PCDHA3: variants seen among roughly 807,000 people sequenced by gnomAD.
The protein encoded by PCDHA3 is protocadherin alpha-3.
In PCDHA3, 41 loss-of-function variants were observed where a neutral mutation model predicts 62.2. The ratio of observed to expected loss-of-function variants is 0.66; its 90% CI spans 0.51 to 0.86. PCDHA3 has a LOEUF of 0.86. PCDHA3 is among the 40% of genes least tolerant of loss of function. PCDHA3 has a pLI of 0.00. For missense variants in PCDHA3, 1,304 were observed against 1,241.2 expected, an observed-to-expected ratio of 1.05 and a Z score of -0.76; for synonymous variants, 640 against 555.4, an observed-to-expected ratio of 1.15 and a Z score of -2.14.
At chr5:140,987,239 G>T (rs1005484275) in intron 3 of PCDHA3, among the ~76,000 whole-genome samples, 6 of 151,586 alleles carry the variant, frequency 4.0e-5, no homozygotes, top group East Asian at 1.9e-4. Flanking sequence ...AATAAATAAA[G>T]AAAGAAAGAC....
chr5:140,816,229 A>G (rs1765869006), intron 1 of PCDHA3: 1 of 152,116 alleles, frequency 6.6e-6, no homozygotes, highest in Non-Finnish European at 1.5e-5. Flanking sequence ...TGTCTGGATA[A>G]TTTCAAATGA....
chr5:140,927,322 A>T (rs782465180), intron 1 of PCDHA3: 1 of 1,613,780 alleles, frequency 6.2e-7, no homozygotes, highest in Non-Finnish European at 8.5e-7. Flanking sequence ...AGCCCGCTTT[A>T]CTCTCCCGAA....
chr5:140,849,959 C>G lies in PCDHA3; in HGVS notation c.2394+46368C>G, dbSNP rs2150460444. On this transcript the variant is annotated intron_variant, in intron 1 of 3. Transcript: ENST00000522353. ...GGGACGCTGACGCGCAGGAGAACGC[C>G]CTGGTGTCCTACTCGCTGGTGGAGC... 52 of 1,597,872 alleles carry G rather than the reference C, an allele frequency of 3.3e-5. 2 individuals are homozygous for G. Among genetic ancestry groups the G allele is most frequent in the African/African-American group, 2.7e-4 (20 of 74,536 alleles).
chr5:140,870,833 A>G (rs782800341), intron 1 of PCDHA3: 3 of 1,613,654 alleles, frequency 1.9e-6, no homozygotes, highest in Admixed American at 3.3e-5. Context: ...GGCGCAGTTA[A>G]CAAGCTAGTA....
chr5:140,884,837 C>A, intron 1 of PCDHA3: 4 of 902,438 alleles, frequency 4.4e-6, no homozygotes, highest in Non-Finnish European at 6.3e-6. Flanking sequence ...GATTATCCTT[C>A]AGAGTGAAAT....
chr5:140,922,326 G>A (rs2080778185), intron 1 of PCDHA3, among the ~76,000 whole-genome samples: 1 of 152,212 alleles, frequency 6.6e-6, no homozygotes, highest in Admixed American at 6.5e-5. Context: ...ATCTTGGAAA[G>A]GGTTGGTATA....
At chr5:140,895,671 T>C (rs1014778982) in intron 1 of PCDHA3, among the ~76,000 whole-genome samples, 5 of 152,184 alleles carry the variant, frequency 3.3e-5, no homozygotes, top group African/African-American at 4.8e-5. Context: ...GAACATGTAG[T>C]ATTTGGTTTT....
rs144585858 is a variant in PCDHA3 at position 140,984,129 on chromosome 5, G to A, written c.2542+1566G>A. On this transcript the variant is annotated intron_variant, in intron 3 of 3. Transcript: ENST00000522353. The stretch of plus-strand genomic sequence containing the variant: ...GGTTTTAGACTGCCAAGTGTTGCAG[G>A]ATGTGGAGGCATCTGGGAAGGTGAG... 1.3e-3 allele frequency among the ~76,000 whole-genome samples: 205 copies of A among 152,236 alleles called. 1 individual carries two copies. Among genetic ancestry groups the A allele is most frequent in the Non-Finnish European group, 2.6e-3 (175 of 68,046 alleles).
chr5:140,809,212 G>A, intron 1 of PCDHA3: 1 of 1,614,038 alleles, frequency 6.2e-7, no homozygotes, highest in South Asian at 1.1e-5. Flanking sequence ...GTGGACAGGC[G>A]CCAAAGGCCT....
In PCDHA3 at chr5:140,801,976, T is replaced by C. The variant is rs148995634; in HGVS notation, c.779T>C (p.Leu260Pro). ...RLLENAPNGT[L>P]VVTVNATDLD... is the part of the protein sequence containing the mutation. The stretch of plus-strand genomic sequence containing the variant: ...CTCGAAAATGCACCAAATGGTACCC[T>C]AGTGGTGACCGTTAACGCCACCGAT... The change falls in exon 1 of 4, where the codon CTA becomes CCA. Residue 260 changes from leucine (L) to proline (P), a missense_variant. By Grantham distance (98) the Leu-to-Pro change is moderately conservative. Coordinates refer to ENST00000522353, the MANE Select transcript of PCDHA3 (RefSeq NM_018906.3). 14 of 1,614,064 alleles carry C rather than the reference T, an allele frequency of 8.7e-6. No homozygotes were observed. In the African/African-American group the frequency reaches 1.9e-4, roughly 22 times the overall value.
chr5:140,883,685 C>T (rs782100865), intron 1 of PCDHA3: 50 of 1,613,734 alleles, frequency 3.1e-5, no homozygotes, highest in Non-Finnish European at 3.7e-5. Context: ...GCCGGGCTGC[C>T]ACATCTTCAC....
At chr5:140,927,612 C>T (rs781873236) in intron 1 of PCDHA3, 12 of 1,614,172 alleles carry the variant, frequency 7.4e-6, no homozygotes, top group Non-Finnish European at 8.5e-6. Context: ...TATACCGCAC[C>T]AAGGTTCCAG....
intron 3 of PCDHA3, among the ~76,000 whole-genome samples, chr5:140,992,981 A>T (rs532135754): frequency 5.3e-5 from 8 of 152,232 alleles, no homozygotes; most frequent in Admixed American, 1.3e-4. Flanking sequence ...TGATTAGGCC[A>T]TGGGACCCAT....
chr5:140,916,268 T>C (rs1190209711), intron 1 of PCDHA3, among the ~76,000 whole-genome samples: 3 of 152,206 alleles, frequency 2.0e-5, no homozygotes, highest in Non-Finnish European at 4.4e-5. Flanking sequence ...AAGAGCATGC[T>C]TGTTGCTCTA....
intron 1 of PCDHA3, chr5:140,810,664 T>G (rs1029806382): frequency 1.1e-4 from 14 of 125,974 alleles, no homozygotes; most frequent in Non-Finnish European, 2.1e-4. Context: ...CTGTTGTTTT[T>G]CTTTTCTTTT....
chr5:140,855,626 T>C (rs1554147868), intron 1 of PCDHA3, among the ~76,000 whole-genome samples: 1 of 149,872 alleles, frequency 6.7e-6, no homozygotes, highest in Non-Finnish European at 1.5e-5. Context: ...CATTTTGAAA[T>C]TCGGCTATTG....
intron 1 of PCDHA3, chr5:140,835,598 T>C (rs2150239108): frequency 2.1e-5 from 34 of 1,613,804 alleles, no homozygotes; most frequent in African/African-American, 4.0e-5. Flanking sequence ...AGAATTACTA[T>C]TCATTGGTGC....
intron 1 of PCDHA3, among the ~76,000 whole-genome samples, chr5:140,959,960 T>C (rs1236536895): frequency 6.6e-6 from 1 of 152,124 alleles, no homozygotes; most frequent in Non-Finnish European, 1.5e-5. Context: ...AGGTAGGAGG[T>C]AGATGTTACT....
At chr5:140,829,392 C>A in intron 1 of PCDHA3, 1 of 1,614,160 alleles carries the variant, frequency 6.2e-7, no homozygotes, top group Non-Finnish European at 8.5e-7. Flanking sequence ...GGCTCGCCTT[C>A]GCTGTGGGCC....
Sources: gnomAD v4.1 joint callset for allele counts (sites outside exome capture counted in the v4.1 genomes callset) on GRCh38, gnomAD v4.1.1 for gene constraint, MANE v1.5 for transcripts, NCBI Gene and HGNC (gene_info 2026-07-23, HGNC 2026-07-21) for gene names.